Variants in MYO18B observed in about 807,000 individuals in gnomAD.
MYO18B encodes unconventional myosin-XVIIIb.
In MYO18B, 204 loss-of-function variants were observed where a neutral mutation model predicts 273.0. The ratio of observed to expected loss-of-function variants is 0.75; its 90% CI spans 0.67 to 0.84. The LOEUF is 0.84. MYO18B is among the 40% of genes least tolerant of loss of function. The pLI, the probability that MYO18B is intolerant of heterozygous loss-of-function variation, is 0.00. For synonymous variants in MYO18B, 1,330 were observed against 1,305.7 expected, an observed-to-expected ratio of 1.02 and a Z score of -0.40; for missense variants, 3,212 against 3,287.6, an observed-to-expected ratio of 0.98 and a Z score of 0.56.
At chr22:25,847,976 A>C (rs1360112332) in intron 20 of MYO18B, among the ~76,000 whole-genome samples, 3 of 147,376 alleles carry the variant, frequency 2.0e-5, no homozygotes, top group Admixed American at 6.8e-5. Context: ...CACACACACA[A>C]AATGGGATAC....
chr22:25,927,325 A>G (rs1047587949), intron 34 of MYO18B, among the ~76,000 whole-genome samples: 2 of 152,182 alleles, frequency 1.3e-5, no homozygotes, highest in Non-Finnish European at 2.9e-5. Flanking sequence ...GGGAAAGAGA[A>G]TACGTGCCTG....
At chr22:25,931,810 G>A (rs2092507354) in intron 34 of MYO18B, among the ~76,000 whole-genome samples, 1 of 149,348 alleles carries the variant, frequency 6.7e-6, no homozygotes, top group African/African-American at 2.5e-5. Flanking sequence ...AGCCTCCCAA[G>A]TAGCTGGCAT....
rs1269416874 is a variant in MYO18B, at chr22:25,950,347, T to G, written c.5749-20T>G. The G allele has an allele frequency of 1.0e-6, 1 of 969,930 alleles. No homozygotes were observed. The highest frequency in any genetic ancestry group is 1.9e-5 in the South Asian group (1 of 52,188). The allele number at this position is 969,930 out of a possible 1,614,324, so 60.1% of individuals were successfully genotyped here. ...TGGACTCAGGGTGATATATATACAT[T>G]TTTTTTTTTGTCTCACCAGTCTGCT... On this transcript the variant is annotated intron_variant, in intron 36 of 43. Transcript: ENST00000335473.
chr22:25,907,017 T>C (rs759224407), intron 31 of MYO18B, among the ~76,000 whole-genome samples: 8 of 152,180 alleles, frequency 5.3e-5, no homozygotes, highest in Non-Finnish European at 8.8e-5. Flanking sequence ...TTCCAAATGC[T>C]TTTTCATGAT....
intron 1 of MYO18B, among the ~76,000 whole-genome samples, chr22:25,749,034 T>G (rs1481169314): frequency 2.6e-5 from 4 of 152,154 alleles, no homozygotes; most frequent in African/African-American, 7.2e-5. Flanking sequence ...AGGGCAGACA[T>G]TAATAAACAA....
chr22:26,033,869 CTTCT>C (rs1396385371), downstream of MYO18B, among the ~76,000 whole-genome samples: 25 of 141,522 alleles, frequency 1.8e-4, no homozygotes, highest in South Asian at 1.1e-3. Context: ...TCCTCCCTTC[CTTCT>C]TTCTTTCTTT....
intron 42 of MYO18B, among the ~76,000 whole-genome samples, chr22:26,015,887 C>T (rs1032932974): frequency 2.0e-5 from 3 of 152,160 alleles, no homozygotes; most frequent in African/African-American, 7.2e-5. Flanking sequence ...CATCTACCAC[C>T]CCCTCTAGAA....
At chr22:26,001,971 A>G (rs980002151) in intron 40 of MYO18B, among the ~76,000 whole-genome samples, 1 of 152,168 alleles carries the variant, frequency 6.6e-6, no homozygotes, top group Non-Finnish European at 1.5e-5. Context: ...GTAGGTGAGG[A>G]AGTACTCAAA....
chr22:25,870,761 G>A lies in MYO18B; in HGVS notation c.3951+2376G>A, dbSNP rs368437299. On this transcript the variant is annotated intron_variant, in intron 22 of 43. Transcript: ENST00000335473. ...ACCTAGTAAATCAGAAACTCTGGAG[G>A]GGGGCAGGGCTGGCAATCTGTATAA... Among the ~76,000 whole-genome samples the A allele has an allele frequency of 2.6e-5, 4 of 152,252 alleles. No homozygotes were observed. In the East Asian group the frequency reaches 7.7e-4, roughly 29 times the overall value.
intron 3 of MYO18B, 38 bp downstream of exon 3, chr22:25,763,427 C>T: frequency 6.3e-7 from 1 of 1,584,434 alleles, no homozygotes; most frequent in Non-Finnish European, 8.5e-7. Context: ...TATGCGTTTC[C>T]ATACCCATCA....
intron 10 of MYO18B, among the ~76,000 whole-genome samples, chr22:25,783,120 G>A (rs1369329139): frequency 6.6e-6 from 1 of 152,212 alleles, no homozygotes; most frequent in Non-Finnish European, 1.5e-5. Context: ...CATAGCAAAT[G>A]CTTTGTGTGT....
At chr22:25,928,560 A>G (rs1287011172) in intron 34 of MYO18B, among the ~76,000 whole-genome samples, 3 of 152,088 alleles carry the variant, frequency 2.0e-5, no homozygotes, top group Non-Finnish European at 4.4e-5. Context: ...CCCTGCATCT[A>G]GAACCCTAAG....
rs267606197 is a variant in MYO18B, at chr22:25,823,609, C to G, written c.2626C>G (p.Arg876Gly). 3.7e-6 allele frequency: 6 copies of G among 1,613,826 alleles called. No homozygotes were observed. In the South Asian group the frequency reaches 5.5e-5, roughly 15 times the overall value. ...LNTATFKHHL[R>G]QIIQQMTFGP... Reference sequence around the variant, plus strand: ...CACGGCCACCTTCAAGCACCACCTTCGACAGATCATCCAGCAAATGACGTT... The same window carrying G: ...CACGGCCACCTTCAAGCACCACCTTGGACAGATCATCCAGCAAATGACGTT... Residue 876 changes from arginine to glycine, a missense_variant, in exon 13 of 44, where the codon CGA becomes GGA. Coordinates refer to ENST00000335473, the MANE Select transcript of MYO18B (RefSeq NM_032608.7).
chr22:25,856,381 ACATGCCATTC>A (rs1569116115), intron 21 of MYO18B, among the ~76,000 whole-genome samples: 3 of 152,220 alleles, frequency 2.0e-5, no homozygotes, highest in African/African-American at 4.8e-5. Flanking sequence ...TCGTTACAGG[ACATGCCATTC>A]ATGGATATTA....
intron 40 of MYO18B, among the ~76,000 whole-genome samples, chr22:26,002,577 G>A (rs554656939): frequency 8.3e-4 from 126 of 152,312 alleles, no homozygotes; most frequent in African/African-American, 2.8e-3. Context: ...TGATGATCCA[G>A]ATTAAAATGA....
intron 29 of MYO18B, chr22:25,899,503 G>C (rs1262148845): frequency 6.6e-6 from 1 of 152,188 alleles, no homozygotes. Context: ...TTCCATGGAG[G>C]TGGCATAGAT....
At chr22:25,771,239 G>T (rs931325670) in intron 6 of MYO18B, among the ~76,000 whole-genome samples, 1 of 152,198 alleles carries the variant, frequency 6.6e-6, no homozygotes, top group South Asian at 2.1e-4. Context: ...GAACATGTTT[G>T]TCAGGTCTTG....
Position 25,835,337 on chromosome 22 carries a change from C to T in MYO18B, c.3102C>T (p.Gly1034=), listed in dbSNP as rs1356401624. Residue 1034 remains glycine, a synonymous_variant, in exon 17 of 44, where the codon GGC becomes GGT. Transcript: ENST00000335473. The stretch of plus-strand genomic sequence containing the variant: ...GAGGAGGTGCCCAGGATGCCAGAGG[C>T]CTTTTCTGGGTCTTAGATGAGGAAG... ...PAGGGAQDAR[G]LFWVLDEEVH... The T allele has an allele frequency of 3.1e-6, 5 of 1,613,924 alleles. No individual in the cohort carries two copies. Among genetic ancestry groups the T allele is most frequent in the Admixed American group, 3.3e-5 (2 of 60,016 alleles).
chr22:26,025,190 G>A (rs1338048425), intron 42 of MYO18B, among the ~76,000 whole-genome samples: 1 of 152,162 alleles, frequency 6.6e-6, no homozygotes, highest in Non-Finnish European at 1.5e-5. Context: ...GAAAGACACT[G>A]CTCTCCTACC....
Sources: gnomAD v4.1 joint callset for allele counts (sites outside exome capture counted in the v4.1 genomes callset) on GRCh38, gnomAD v4.1.1 for gene constraint, MANE v1.5 for transcripts, NCBI Gene and HGNC (gene_info 2026-07-23, HGNC 2026-07-21) for gene names.